The following UBE2L3 variants were observed in gnomAD, a reference collection of about 807,000 sequenced individuals.
UBE2L3 encodes ubiquitin-conjugating enzyme E2 L3.
In UBE2L3, 1 loss-of-function variant was observed where a neutral mutation model predicts 17.8. The ratio of observed to expected loss-of-function variants is 0.06; its 90% CI spans 0.02 to 0.27. The LOEUF is 0.27. Ranked by LOEUF, UBE2L3 falls within the 10% of genes least tolerant of loss-of-function variation. The probability of loss-of-function intolerance (pLI) is 1.00; values close to 1 mark genes in which losing one functional copy is unlikely to be tolerated. For synonymous variants in UBE2L3, 44 were observed against 68.5 expected, an observed-to-expected ratio of 0.64 and a Z score of 1.76; for missense variants, 40 against 192.6, an observed-to-expected ratio of 0.21 and a Z score of 4.69.
intron 3 of UBE2L3, among the ~76,000 whole-genome samples, chr22:21,617,559 G>A (rs990079257): frequency 7.9e-5 from 12 of 152,004 alleles, no homozygotes; most frequent in African/African-American, 2.4e-4. Flanking sequence ...GAGCTGCTGC[G>A]CCCGGCCTGT....
chr22:21,566,024 G>A (rs1412919508), upstream of UBE2L3, among the ~76,000 whole-genome samples: 1 of 148,896 alleles, frequency 6.7e-6, no homozygotes, highest in East Asian at 2.1e-4. Context: ...CCAGGCTGGA[G>A]TGCAGTGGCG....
At chr22:21,620,631 G>T (rs1258764506) in intron 3 of UBE2L3, among the ~76,000 whole-genome samples, 1 of 152,106 alleles carries the variant, frequency 6.6e-6, no homozygotes, top group African/African-American at 2.4e-5. Context: ...CGGCACCTAG[G>T]GGGAGTACTG....
chr22:21,555,862 G>C (rs1233213292), intron 1 of UBE2L3, among the ~76,000 whole-genome samples: 2 of 152,242 alleles, frequency 1.3e-5, no homozygotes, highest in Non-Finnish European at 2.9e-5. Flanking sequence ...AACCCAGGAG[G>C]TGGAGGTTAC....
At chr22:21,587,167 T>A (rs888531214) in intron 1 of UBE2L3, among the ~76,000 whole-genome samples, 3 of 151,998 alleles carry the variant, frequency 2.0e-5, no homozygotes, top group African/African-American at 4.8e-5. Context: ...ATTACAGGCA[T>A]GAACCACCAC....
At chr22:21,593,062 C>T in intron 2 of UBE2L3, 106 bp downstream of exon 2, 1 of 925,380 alleles carries the variant, frequency 1.1e-6, no homozygotes, top group Non-Finnish European at 1.7e-6. Flanking sequence ...TCTAGGCAGC[C>T]AGCAGATGCA....
In UBE2L3 at chr22:21,612,643, C is replaced by CTTTTTTTTTTTTTTTTTTTTTTTTT. The variant is rs57678378; in HGVS notation, c.310+1604_310+1628dup. Among the ~76,000 whole-genome samples the CTTTTTTTTTTTTTTTTTTTTTTTTT allele has an allele frequency of 2.5e-4, 13 of 52,492 alleles. 2 individuals are homozygous for CTTTTTTTTTTTTTTTTTTTTTTTTT. The highest frequency in any genetic ancestry group is 6.0e-4 in the Admixed American group (2 of 3,360). The allele number at this position is 52,492 out of a possible 152,430, so 34.4% of individuals were successfully genotyped here. On this transcript the variant is annotated intron_variant, in intron 3 of 3. Coordinates refer to ENST00000342192, the MANE Select transcript of UBE2L3 (RefSeq NM_003347.4). ...CCCAGCCGATTTTTTCTTTTCTTTTCTTTTTTTTTTTTTTTTTTTTTTTTT... is the reference window on the plus strand; with the variant it reads ...CCCAGCCGATTTTTTCTTTTCTTTTCTTTTTTTTTTTTTTTTTTTTTTTTTTTTTTTTTTTTTTTTTTTTTTTTTT...
chr22:21,568,084 C>A, intron 1 of UBE2L3: 13 of 1,187,594 alleles, frequency 1.1e-5, no homozygotes, highest in Non-Finnish European at 1.3e-5. Flanking sequence ...CTGAGGGCGT[C>A]GTTAATGTGA....
intron 1 of UBE2L3, among the ~76,000 whole-genome samples, chr22:21,558,891 C>T (rs1926333729): frequency 6.6e-6 from 1 of 152,096 alleles, no homozygotes; most frequent in African/African-American, 2.4e-5. Context: ...TCAGTAAATA[C>T]AGGACTGAAG....
At chr22:21,582,736 G>A (rs1054197503) in intron 1 of UBE2L3, among the ~76,000 whole-genome samples, 1 of 152,184 alleles carries the variant, frequency 6.6e-6, no homozygotes, top group Non-Finnish European at 1.5e-5. Flanking sequence ...ATGTTGGCCA[G>A]GCTGCTGTTG....
intron 2 of UBE2L3, among the ~76,000 whole-genome samples, chr22:21,607,109 A>G (rs1185153924): frequency 3.9e-5 from 6 of 152,156 alleles, no homozygotes; most frequent in Non-Finnish European, 1.5e-5. Flanking sequence ...AATGTGGAGA[A>G]CTGGCGCACG....
At chr22:21,616,684 G>T (rs1430662962) in intron 3 of UBE2L3, among the ~76,000 whole-genome samples, 2 of 151,144 alleles carry the variant, frequency 1.3e-5, no homozygotes, top group African/African-American at 2.4e-5. Flanking sequence ...AATTAGCCAG[G>T]CGTGGTGACA....
At chr22:21,604,440 G>A (rs1601430910) in intron 2 of UBE2L3, among the ~76,000 whole-genome samples, 1 of 152,228 alleles carries the variant, frequency 6.6e-6, no homozygotes, top group East Asian at 1.9e-4. Flanking sequence ...GGCGGAGGTT[G>A]CAGTGCTGAG....
upstream of UBE2L3, among the ~76,000 whole-genome samples, chr22:21,563,295 T>C (rs1215842407): frequency 6.9e-6 from 1 of 144,106 alleles, no homozygotes; most frequent in Non-Finnish European, 1.5e-5. Context: ...CTCACGCCTA[T>C]AATCCCAGCA....
chr22:21,591,330 A>G (rs185173016), intron 1 of UBE2L3, among the ~76,000 whole-genome samples: 2 of 152,300 alleles, frequency 1.3e-5, no homozygotes, highest in East Asian at 3.9e-4. Flanking sequence ...CTCCACCCAC[A>G]CTTGCTGGAC....
chr22:21,618,299 C>T (rs1236439749), intron 3 of UBE2L3, among the ~76,000 whole-genome samples: 1 of 151,968 alleles, frequency 6.6e-6, no homozygotes, highest in Non-Finnish European at 1.5e-5. Context: ...GGTGCAGTGG[C>T]TCACGCCTGT....
At chr22:21,602,246 C>T (rs917763343) in intron 2 of UBE2L3, among the ~76,000 whole-genome samples, 1 of 152,182 alleles carries the variant, frequency 6.6e-6, no homozygotes, top group East Asian at 1.9e-4. Context: ...TGAAGCCTGG[C>T]ATGAAGAAGG....
At chr22:21,565,073 T>C (rs1310350626), upstream of UBE2L3, among the ~76,000 whole-genome samples, 1 of 151,962 alleles carries the variant, frequency 6.6e-6, no homozygotes, top group Non-Finnish European at 1.5e-5. Context: ...GAGGCCAGCC[T>C]TATTCCAGGA....
chr22:21,602,085 T>C (rs1928898846), intron 2 of UBE2L3, among the ~76,000 whole-genome samples: 1 of 152,098 alleles, frequency 6.6e-6, no homozygotes, highest in Non-Finnish European at 1.5e-5. Context: ...CCCACAGGGC[T>C]GGTCTCAGTA....
intron 1 of UBE2L3, among the ~76,000 whole-genome samples, chr22:21,552,076 G>A (rs1166257879): frequency 2.1e-5 from 3 of 145,616 alleles, no homozygotes; most frequent in Non-Finnish European, 4.5e-5. Flanking sequence ...TGTGGCTTGG[G>A]AGCTAAGAAG....
Sources: gnomAD v4.1 joint callset for allele counts (sites outside exome capture counted in the v4.1 genomes callset) on GRCh38, gnomAD v4.1.1 for gene constraint, MANE v1.5 for transcripts, NCBI Gene and HGNC (gene_info 2026-07-23, HGNC 2026-07-21) for gene names.